The following PARL variants were observed in gnomAD, a reference collection of about 807,000 sequenced individuals.
The protein encoded by PARL is presenilin associated rhomboid like, also known as presenilin-associated rhomboid-like protein, mitochondrial.
Under a neutral mutation model 51.6 loss-of-function variants are expected in PARL, and 44 were observed. The ratio of observed to expected loss-of-function variants is 0.85; its 90% CI spans 0.67 to 1.10. PARL has a LOEUF of 1.10. Ranked by LOEUF, PARL falls within the 50% of genes least tolerant of loss-of-function variation. PARL has a pLI of 0.00. For missense variants in PARL, 441 were observed against 469.5 expected (o/e 0.94, Z 0.56); for synonymous variants, 172 against 164.0 (o/e 1.05, Z -0.37).
intron 3 of PARL, among the ~76,000 whole-genome samples, chr3:183,865,448 A>C (rs1732359061): frequency 6.6e-6 from 1 of 152,176 alleles, no homozygotes. Context: ...GCCTGTTAGG[A>C]ACTGGGCCAC....
At chr3:183,870,617 C>T (rs1733079607) in intron 1 of PARL, among the ~76,000 whole-genome samples, 1 of 152,174 alleles carries the variant, frequency 6.6e-6, no homozygotes, top group South Asian at 2.1e-4. Flanking sequence ...TACTGCCCCA[C>T]TCCAAGTGCA....
chr3:183,874,470 G>A lies in PARL; in HGVS notation c.126-6410C>T, dbSNP rs1217923252. Among the ~76,000 whole-genome samples the A allele has an allele frequency of 5.3e-5, 8 of 149,968 alleles. 1 individual carries two copies. The East Asian group carries it at 9.8e-4, about 18-fold the overall frequency. ...ATCACCCAGGCTGCAGTGCAGTGGCGCGATCTCGACTCACTGCAACCTCCA... is the reference window on the plus strand; with the variant it reads ...ATCACCCAGGCTGCAGTGCAGTGGCACGATCTCGACTCACTGCAACCTCCA... On this transcript the variant is annotated intron_variant, in intron 1 of 9. Transcript: ENST00000317096.
intron 1 of PARL, among the ~76,000 whole-genome samples, chr3:183,882,222 A>ATATATATATAT (rs1553906018): frequency 4.3e-5 from 2 of 46,112 alleles, no homozygotes; most frequent in East Asian, 2.7e-3. Flanking sequence ...AAAAAAAAAA[A>ATATATATATAT]ATATATATAT....
intron 7 of PARL, among the ~76,000 whole-genome samples, chr3:183,837,663 G>A (rs991357276): frequency 3.9e-5 from 6 of 152,104 alleles, no homozygotes; most frequent in Non-Finnish European, 7.4e-5. Context: ...AACGAGTCAC[G>A]GCACCCCCTC....
rs1235101986 is a variant in PARL at position 183,882,222 on chromosome 3, A to AAT, written c.125+2498_125+2499dup. Among the ~76,000 whole-genome samples the AAT allele has an allele frequency of 3.0e-3, 140 of 46,102 alleles. 3 individuals carry two copies. The highest frequency in any genetic ancestry group is 4.5e-3 in the South Asian group (6 of 1,338). The allele number at this position is 46,102 out of a possible 152,430, so 30.2% of individuals were successfully genotyped here. ...ATGTCTCTAAAAAAAAAAAAAAAAA[A>AAT]ATATATATATATATATATATATTTA... is the stretch of plus-strand genomic sequence containing the variant. On this transcript the variant is annotated intron_variant, in intron 1 of 9. Coordinates refer to ENST00000317096, the MANE Select transcript of PARL (RefSeq NM_018622.7).
chr3:183,868,270 G>A (rs572718308), intron 1 of PARL, among the ~76,000 whole-genome samples: 1 of 152,146 alleles, frequency 6.6e-6, no homozygotes, highest in Non-Finnish European at 1.5e-5. Flanking sequence ...AGCAACTTCA[G>A]AGGATACTAC....
In PARL at chr3:183,882,344, CAT is replaced by C. The variant is rs1230251408; in HGVS notation, c.125+2376_125+2377del. On this transcript the variant is annotated intron_variant, in intron 1 of 9. Transcript: ENST00000317096. ...ACATATATACACATATATACACACACATATATACATATATGCACATATATACA... is the reference window on the plus strand; with the variant it reads ...ACATATATACACATATATACACACACATATACATATATGCACATATATACA... 4.3e-3 allele frequency among the ~76,000 whole-genome samples: 593 copies of C among 138,562 alleles called. 4 individuals are homozygous for C. The highest frequency in any genetic ancestry group is 7.4e-3 in the Non-Finnish European group (478 of 65,028). 90.9% of individuals were successfully genotyped at this position (138,562 alleles called of 152,430 possible).
At chr3:183,830,974 T>G (rs994060308) in intron 9 of PARL, among the ~76,000 whole-genome samples, 1 of 152,188 alleles carries the variant, frequency 6.6e-6, no homozygotes. Context: ...ATAAAGTGTT[T>G]TCCCAAATCT....
chr3:183,844,330 C>G lies in PARL; in HGVS notation c.512-4G>C. The G allele has an allele frequency of 6.5e-7, 1 of 1,528,322 alleles. No individual in the cohort carries two copies. The allele number at this position is 1,528,322 out of a possible 1,614,324, so 94.7% of individuals were successfully genotyped here. A position where few individuals can be genotyped will look rare whatever the true frequency, so the allele number is the denominator to read the frequency against. ...AGGACATTTGCAGCTATAATACCTA[C>G]AAAATAAATATTTATAATTTAGGGA... is the stretch of plus-strand genomic sequence containing the variant. On this transcript the variant is annotated splice_region_variant and splice_polypyrimidine_tract_variant and intron_variant, in intron 4 of 9. Coordinates refer to ENST00000317096, the MANE Select transcript of PARL (RefSeq NM_018622.7).
At chr3:183,850,874 A>T (rs968264711) in intron 4 of PARL, among the ~76,000 whole-genome samples, 1 of 152,206 alleles carries the variant, frequency 6.6e-6, no homozygotes, top group East Asian at 1.9e-4. Context: ...CAGTTGGAAG[A>T]CTCACAATTC....
intron 1 of PARL, among the ~76,000 whole-genome samples, chr3:183,879,163 T>C (rs1310003779): frequency 1.3e-5 from 2 of 152,222 alleles, no homozygotes; most frequent in Non-Finnish European, 2.9e-5. Context: ...CTCTTCTCCT[T>C]TTCCAAACCA....
intron 9 of PARL, 91 bp downstream of exon 9, chr3:183,833,401 G>T: frequency 3.7e-6 from 3 of 814,766 alleles, no homozygotes; most frequent in Non-Finnish European, 6.5e-6. Context: ...CAATGTCTCT[G>T]CCATGGGGAT....
At chr3:183,852,707 C>T (rs990895679) in intron 4 of PARL, among the ~76,000 whole-genome samples, 6 of 152,054 alleles carry the variant, frequency 3.9e-5, no homozygotes, top group African/African-American at 1.4e-4. Context: ...CTTAAAGCAA[C>T]TAAAGTGTGC....
chr3:183,876,476 T>C (rs1485337894), intron 1 of PARL, among the ~76,000 whole-genome samples: 1 of 152,056 alleles, frequency 6.6e-6, no homozygotes, highest in African/African-American at 2.4e-5. Context: ...TACAAGAAGA[T>C]GAATATTGTT....
chr3:183,836,159 G>A (rs898059923), intron 7 of PARL, among the ~76,000 whole-genome samples: 1 of 144,956 alleles, frequency 6.9e-6, no homozygotes, highest in Non-Finnish European at 1.5e-5. Flanking sequence ...AGAGGTTGTA[G>A]CGAGCCGAGA....
chr3:183,845,182 A>G (rs1729801568), intron 4 of PARL, among the ~76,000 whole-genome samples: 1 of 152,126 alleles, frequency 6.6e-6, no homozygotes, highest in Non-Finnish European at 1.5e-5. Context: ...TGATTTCAAT[A>G]ACATACTGGT....
intron 4 of PARL, among the ~76,000 whole-genome samples, chr3:183,853,878 G>A (rs1459544525): frequency 1.3e-5 from 2 of 152,312 alleles, no homozygotes; most frequent in East Asian, 1.9e-4. Flanking sequence ...AAAACAGCGT[G>A]AGAATTCCTC....
intron 4 of PARL, among the ~76,000 whole-genome samples, chr3:183,850,711 T>C (rs1282728011): frequency 2.0e-5 from 3 of 152,146 alleles, no homozygotes; most frequent in Admixed American, 1.3e-4. Context: ...AATATTCCTT[T>C]ATGAAAAGAG....
chr3:183,842,320 G>C lies in PARL; in HGVS notation c.735C>G (p.Phe245Leu). 1 of 1,612,846 alleles carries C rather than the reference G, an allele frequency of 6.2e-7. No homozygotes were observed. Among genetic ancestry groups the C allele is most frequent in the Non-Finnish European group, 8.5e-7 (1 of 1,179,856 alleles). Residue 245 changes from phenylalanine (F) to leucine (L), a missense_variant, in exon 6 of 10, where the codon TTC becomes TTG. Transcript: ENST00000317096. ...SIVNILGQEQFMAVYLSAGVI... is the reference protein window; with the variant it reads ...SIVNILGQEQLMAVYLSAGVI... ...TACCTGCAGATAGGTACACTGCCAT[G>C]AACTGCTCTTGACCCAGAATGTTCA...
Sources: allele counts gnomAD v4.1 joint callset (sites outside exome capture counted in the v4.1 genomes callset), GRCh38; gene constraint gnomAD v4.1.1; transcripts MANE v1.5; gene names NCBI Gene and HGNC (gene_info 2026-07-23, HGNC 2026-07-21).